CCDC169: variants seen among roughly 807,000 people sequenced by gnomAD.
CCDC169 encodes the protein coiled-coil domain-containing protein 169.
Under a neutral mutation model 36.0 loss-of-function variants are expected in CCDC169, and 30 were observed. The observed-to-expected ratio is 0.83, with a 90% CI of 0.62 to 1.13. The LOEUF (loss-of-function observed/expected upper bound fraction) is 1.13, where lower values mean the gene tolerates loss of function less well. Ranked by LOEUF, CCDC169 falls within the 50% of genes most tolerant of loss-of-function variation. The probability of loss-of-function intolerance (pLI) is 0.00; values close to 1 mark genes in which losing one functional copy is unlikely to be tolerated. For missense variants in CCDC169, 245 were observed against 245.9 expected (o/e 1.00, Z 0.03); for synonymous variants, 85 against 81.5 (o/e 1.04, Z -0.23).
chr13:36,236,233 C>T (rs1871066811), intron 7 of CCDC169, among the ~76,000 whole-genome samples: 2 of 152,014 alleles, frequency 1.3e-5, no homozygotes, highest in South Asian at 4.1e-4. Context: ...GGAGTACTCG[C>T]ACTTCTTGAT....
At chr13:36,268,920 T>C (rs9575715) in intron 4 of CCDC169, among the ~76,000 whole-genome samples, 38,676 of 151,828 alleles carry the variant, frequency 0.25, 5,205 homozygotes, top group East Asian at 0.49. Context: ...GCCCGGCCAG[T>C]ATGGTGAAAC....
At chr13:36,285,121 G>C (rs1483234281) in intron 2 of CCDC169, among the ~76,000 whole-genome samples, 1 of 152,186 alleles carries the variant, frequency 6.6e-6, no homozygotes, top group African/African-American at 2.4e-5. Context: ...TTCAGAGCAA[G>C]ATGAGAATGG....
intron 4 of CCDC169, among the ~76,000 whole-genome samples, chr13:36,268,325 A>C (rs533047852): frequency 6.6e-6 from 1 of 152,332 alleles, no homozygotes; most frequent in East Asian, 1.9e-4. Context: ...AGGAACCCTC[A>C]GAACTATACA....
At chr13:36,256,233 A>C (rs984511767) in intron 4 of CCDC169, among the ~76,000 whole-genome samples, 5 of 152,056 alleles carry the variant, frequency 3.3e-5, no homozygotes, top group Non-Finnish European at 5.9e-5. Context: ...CTGTTTTTTC[A>C]CGCTTTTCTC....
intron 7 of CCDC169, among the ~76,000 whole-genome samples, chr13:36,241,436 GTGTTCTGACATCACAGTTTACTTT>G (rs1871807902): frequency 1.3e-5 from 2 of 152,042 alleles, no homozygotes; most frequent in Non-Finnish European, 2.9e-5. Context: ...TTACTAGCCT[GTGTTCTGACATCACAGTTTACTTT>G]TGTCTGTCTT....
chr13:36,260,417 A>T (rs965494492), intron 4 of CCDC169, among the ~76,000 whole-genome samples: 2 of 152,200 alleles, frequency 1.3e-5, no homozygotes, highest in African/African-American at 4.8e-5. Flanking sequence ...ATATAGGAAA[A>T]AGTGTATGGC....
intron 7 of CCDC169, among the ~76,000 whole-genome samples, chr13:36,246,234 GA>G (rs1262668251): frequency 6.6e-6 from 1 of 152,214 alleles, no homozygotes; most frequent in Non-Finnish European, 1.5e-5. Flanking sequence ...ATTTAGTGAG[GA>G]AGGTATGTTG....
intron 7 of CCDC169, chr13:36,240,507 C>T (rs1312190014): frequency 8.0e-6 from 5 of 622,050 alleles, no homozygotes; most frequent in Non-Finnish European, 1.2e-5. Context: ...GTTATCTCTA[C>T]TGTAGCTGCT....
At chr13:36,241,002 T>C (rs951817925) in intron 7 of CCDC169, among the ~76,000 whole-genome samples, 2 of 152,092 alleles carry the variant, frequency 1.3e-5, no homozygotes, top group African/African-American at 2.4e-5. Context: ...TCATAATACA[T>C]AGTATTATGT....
chr13:36,226,121 G>C (rs1477564665), downstream of CCDC169: 3 of 152,266 alleles, frequency 2.0e-5, no homozygotes, highest in Non-Finnish European at 2.9e-5. Flanking sequence ...CTACTAAAAA[G>C]ACAGATGCAC....
At chr13:36,239,693 T>C (rs989110093) in intron 7 of CCDC169, among the ~76,000 whole-genome samples, 6 of 152,116 alleles carry the variant, frequency 3.9e-5, no homozygotes, top group African/African-American at 1.4e-4. Context: ...GGGGAGAAAA[T>C]GGAATCTGAG....
At chr13:36,274,795 A>G (rs571055879) in intron 4 of CCDC169, among the ~76,000 whole-genome samples, 6 of 152,282 alleles carry the variant, frequency 3.9e-5, no homozygotes, top group African/African-American at 1.4e-4. Flanking sequence ...ACACACCTGA[A>G]ATAAAGTATA....
At position 36,288,257 on chromosome 13, in the gene CCDC169, G is replaced by A. The variant is rs796655132; in HGVS notation, c.164-4555C>T. Among the ~76,000 whole-genome samples, 548 of 151,918 alleles carry A rather than the reference G, an allele frequency of 3.6e-3. 5 individuals are homozygous for A. The highest frequency in any genetic ancestry group is 0.012 in the African/African-American group (513 of 41,480). ...TCTCGATCTTCTGACCTCATTATCC[G>A]CCCGCCGCAGCCTCCCAAAGTGCTG... On this transcript the variant is annotated intron_variant, in intron 2 of 7. Coordinates refer to ENST00000239859, the MANE Select transcript of CCDC169 (RefSeq NM_001144981.3).
At chr13:36,282,633 C>T in intron 4 of CCDC169, 3 of 624,352 alleles carry the variant, frequency 4.8e-6, no homozygotes, top group Non-Finnish European at 6.0e-6. Context: ...TTTCTTCAGT[C>T]CTTTACTGTG....
At chr13:36,247,293 G>A (rs1872626270) in intron 7 of CCDC169, among the ~76,000 whole-genome samples, 1 of 152,176 alleles carries the variant, frequency 6.6e-6, no homozygotes, top group South Asian at 2.1e-4. Flanking sequence ...TTAAATGCCT[G>A]CTAACATAAC....
chr13:36,224,871 C>T (rs1869780837), downstream of CCDC169: 1 of 152,114 alleles, frequency 6.6e-6, no homozygotes, highest in Admixed American at 6.5e-5. Flanking sequence ...AGTGGCAACA[C>T]ATTACCAGAC....
At chr13:36,255,430 G>A (rs1027026757) in intron 4 of CCDC169, among the ~76,000 whole-genome samples, 3 of 152,144 alleles carry the variant, frequency 2.0e-5, no homozygotes, top group African/African-American at 4.8e-5. Flanking sequence ...TTGAGAGGCC[G>A]AGGCGGGTAG....
chr13:36,225,090 AC>A (rs1869792928), downstream of CCDC169: 1 of 152,212 alleles, frequency 6.6e-6, no homozygotes, highest in South Asian at 2.1e-4. Context: ...CTAGCCATAT[AC>A]AGAAGGATGA....
At chr13:36,224,647 TA>T (rs1445562886), downstream of CCDC169, 1 of 151,986 alleles carries the variant, frequency 6.6e-6, no homozygotes, top group African/African-American at 2.4e-5. Flanking sequence ...TCAGACAACA[TA>T]AACAAATGGT....
Sources: gnomAD v4.1 joint callset for allele counts (sites outside exome capture counted in the v4.1 genomes callset) on GRCh38, gnomAD v4.1.1 for gene constraint, MANE v1.5 for transcripts, NCBI Gene and HGNC (gene_info 2026-07-23, HGNC 2026-07-21) for gene names.